ECSCR: variants seen among roughly 807,000 people sequenced by gnomAD.
ECSCR encodes endothelial cell surface expressed chemotaxis and apoptosis regulator, also known as endothelial cell-specific chemotaxis regulator.
ECSCR carries 12 observed loss-of-function variants against 16.7 expected under a neutral mutation model. The observed-to-expected ratio is 0.72, with a 90% CI of 0.46 to 1.17. The LOEUF is 1.17. Ranked by LOEUF, ECSCR falls within the 50% of genes most tolerant of loss-of-function variation. The probability of loss-of-function intolerance (pLI) is 0.00; values close to 1 mark genes in which losing one functional copy is unlikely to be tolerated. For missense variants in ECSCR, 122 were observed against 116.1 expected (o/e 1.05, Z -0.23); for synonymous variants, 44 against 42.2 (o/e 1.04, Z -0.17).
In ECSCR at chr5:139,448,913, A is replaced by T. The variant is rs1750967401; in HGVS notation, c.610-5T>A. ...CCAAAGTTGCTTTTAAAGAACCTGC[A>T]AAATAAATGCATAATGGGGAAGGGT... On this transcript the variant is annotated splice_polypyrimidine_tract_variant and splice_region_variant and intron_variant, in intron 9 of 9. Coordinates refer to ENST00000618155, the MANE Select transcript of ECSCR (RefSeq NM_001077693.4). The T allele has an allele frequency of 6.5e-7, 1 of 1,537,284 alleles. No homozygotes were observed.
In ECSCR at chr5:139,449,166, G is replaced by A. The variant is rs1750973888; in HGVS notation, c.521C>T (p.Thr174Ile). 6.5e-7 allele frequency: 1 copy of A among 1,536,940 alleles called. No individual in the cohort carries two copies. The highest frequency in any genetic ancestry group is 8.7e-7 in the Non-Finnish European group (1 of 1,146,744). The change falls in exon 9 of 10, where the codon ACA becomes ATA. Residue 174 changes from threonine to isoleucine, a missense_variant. Thr to Ile is a moderately conservative substitution (Grantham distance 89, BLOSUM62 -1). Coordinates refer to ENST00000618155, the MANE Select transcript of ECSCR (RefSeq NM_001077693.4). ...GSSGLSESCS[T>I]ANGEKDSITL... is the part of the protein sequence containing the mutation. ...GATGCTGTCTTTCTCTCCATTGGCT[G>A]TGGAGCAGCTGGGGGAGGAAGGGGG...
At position 139,449,093 on chromosome 5, in the gene ECSCR, A is replaced by T. The variant is rs573495142; in HGVS notation, c.594T>A (p.Ser198Arg). 5.4e-5 allele frequency: 83 copies of T among 1,537,088 alleles called. No individual in the cohort carries two copies. The East Asian group carries it at 2.0e-3, about 36-fold the overall frequency. Residue 198 changes from serine to arginine, a missense_variant, in exon 9 of 10, where the codon AGT becomes AGA. Coordinates refer to ENST00000618155, the MANE Select transcript of ECSCR (RefSeq NM_001077693.4). ...KNINMNNGKQ[S>R]LSAEKVL ...AAAAATGTACCTTCTCTGCTGAGAG[A>T]CTTTGTTTGCCATTATTCATGTTGA... is the stretch of plus-strand genomic sequence containing the variant.
chr5:139,457,838 C>G, intron 2 of ECSCR, 31 bp from the exon 3 acceptor site: 1 of 1,587,202 alleles, frequency 6.3e-7, no homozygotes, highest in Non-Finnish European at 8.6e-7. Flanking sequence ...CTGAGGGGTG[C>G]ACCGCCTCCT....
At chr5:139,451,499 T>G (rs1047733442) in intron 8 of ECSCR, among the ~76,000 whole-genome samples, 1 of 145,792 alleles carries the variant, frequency 6.9e-6, no homozygotes, top group Non-Finnish European at 1.5e-5. Flanking sequence ...TTTGGGTGGG[T>G]GTGTGGTGTG....
chr5:139,462,518 G>A, intron 1 of ECSCR, 92 bp downstream of exon 1: 10 of 1,311,046 alleles, frequency 7.6e-6, no homozygotes, highest in Non-Finnish European at 7.5e-6. Flanking sequence ...GCCCCTGGAT[G>A]GAAAGCATGT....
At chr5:139,458,654 C>T (rs1751223432) in intron 1 of ECSCR, among the ~76,000 whole-genome samples, 1 of 151,324 alleles carries the variant, frequency 6.6e-6, no homozygotes, top group Non-Finnish European at 1.5e-5. Flanking sequence ...CAAGACTAGC[C>T]CGGCCAACAT....
intron 6 of ECSCR, 39 bp downstream of exon 6, chr5:139,455,282 AGG>A (rs1751131123): frequency 1.0e-5 from 4 of 395,048 alleles, no homozygotes; most frequent in Non-Finnish European, 1.8e-5. Flanking sequence ...TTCCAGGGGT[AGG>A]GGTTCCTCCT....
chr5:139,448,939 G>A (rs1177641292), intron 9 of ECSCR, 31 bp from the exon 10 acceptor site: 3 of 1,537,238 alleles, frequency 2.0e-6, no homozygotes, highest in Non-Finnish European at 1.7e-6. Context: ...GGGGAAGGGT[G>A]AACTTTTTAG....
intron 2 of ECSCR, 100 bp downstream of exon 2, chr5:139,458,039 C>T: frequency 7.4e-7 from 1 of 1,359,592 alleles, no homozygotes; most frequent in Non-Finnish European, 1.0e-6. Context: ...GCTGCGGCCC[C>T]AGCCCCCTGA....
chr5:139,451,607 G>A (rs1751050769), intron 8 of ECSCR, among the ~76,000 whole-genome samples: 1 of 147,694 alleles, frequency 6.8e-6, no homozygotes, highest in Non-Finnish European at 1.5e-5. Context: ...TGTATGGTAT[G>A]GGGGGATGTG....
At chr5:139,450,531 G>A (rs1305158920) in intron 8 of ECSCR, among the ~76,000 whole-genome samples, 4 of 144,792 alleles carry the variant, frequency 2.8e-5, no homozygotes, top group African/African-American at 1.0e-4. Flanking sequence ...TAATCCCAGC[G>A]CTTTGGGAGG....
intron 8 of ECSCR, among the ~76,000 whole-genome samples, chr5:139,451,681 G>A (rs1388530199): frequency 6.9e-6 from 1 of 144,636 alleles, no homozygotes; most frequent in Non-Finnish European, 1.5e-5. Context: ...ATGGGGTGTG[G>A]GGTGTGTGAT....
At chr5:139,457,061 C>A (rs952890328) in intron 4 of ECSCR, among the ~76,000 whole-genome samples, 2 of 152,252 alleles carry the variant, frequency 1.3e-5, no homozygotes, top group Admixed American at 6.5e-5. Flanking sequence ...AATGAGGAAG[C>A]ACACTCGGGC....
At chr5:139,458,287 C>T (rs1274117221) in intron 1 of ECSCR, 104 bp from the exon 2 acceptor site, 3 of 1,088,446 alleles carry the variant, frequency 2.8e-6, no homozygotes, top group East Asian at 2.6e-5. Context: ...GGCAACATAG[C>T]AAGACCCTGT....
chr5:139,455,578 G>T (rs919652426), intron 5 of ECSCR, 142 bp from the exon 6 acceptor site: 4 of 382,778 alleles, frequency 1.0e-5, no homozygotes, highest in Non-Finnish European at 1.8e-5. Context: ...AAATAGAGCT[G>T]TCTGTATTGT....
chr5:139,456,185 C>A (rs1380808606), intron 5 of ECSCR, among the ~76,000 whole-genome samples: 2 of 152,126 alleles, frequency 1.3e-5, no homozygotes, highest in African/African-American at 4.8e-5. Flanking sequence ...ATCCCAGCTA[C>A]TCAGGAGGAG....
At chr5:139,461,738 C>T (rs1751310236) in intron 1 of ECSCR, among the ~76,000 whole-genome samples, 1 of 152,162 alleles carries the variant, frequency 6.6e-6, no homozygotes, top group Non-Finnish European at 1.5e-5. Flanking sequence ...TGTTCTGGTA[C>T]TCAGGCCCTC....
At chr5:139,452,511 GGGA>G in intron 8 of ECSCR, among the ~76,000 whole-genome samples, 1 of 148,604 alleles carries the variant, frequency 6.7e-6, no homozygotes, top group East Asian at 2.1e-4. Context: ...GATGTGTGTG[GGGA>G]GGTATGTATA....
At chr5:139,452,523 T>G (rs1200526255) in intron 8 of ECSCR, among the ~76,000 whole-genome samples, 1 of 3,818 alleles carries the variant, frequency 2.6e-4, no homozygotes, top group African/African-American at 1.0e-3. Context: ...GAGGTATGTA[T>G]AGTATGGAGT....
Sources: gnomAD v4.1 joint callset for allele counts (sites outside exome capture counted in the v4.1 genomes callset) on GRCh38, gnomAD v4.1.1 for gene constraint, MANE v1.5 for transcripts, NCBI Gene and HGNC (gene_info 2026-07-23, HGNC 2026-07-21) for gene names.